Variants in KCNMB2 observed in about 807,000 individuals in gnomAD.
KCNMB2 encodes the protein potassium calcium-activated channel subfamily M regulatory beta subunit 2.
KCNMB2 carries 9 observed loss-of-function variants against 24.5 expected under a neutral mutation model. The ratio of observed to expected loss-of-function variants is 0.37; its 90% CI spans 0.22 to 0.64. The LOEUF is 0.64. KCNMB2 is among the 30% of genes least tolerant of loss of function. The probability of loss-of-function intolerance (pLI) is 0.63; values close to 1 mark genes in which losing one functional copy is unlikely to be tolerated. For synonymous variants in KCNMB2, 109 were observed against 104.4 expected, an observed-to-expected ratio of 1.04 and a Z score of -0.27; for missense variants, 226 against 284.3, an observed-to-expected ratio of 0.79 and a Z score of 1.47.
intron 1 of KCNMB2, among the ~76,000 whole-genome samples, chr3:178,719,127 C>T (rs1015770167): frequency 1.3e-5 from 2 of 152,338 alleles, no homozygotes; most frequent in Admixed American, 6.5e-5. Context: ...CATTTTACAG[C>T]TTAGCCCAGC....
chr3:178,778,455 G>GACACACACACACACACACACACAC (rs71628070), intron 1 of KCNMB2, among the ~76,000 whole-genome samples: 1 of 127,454 alleles, frequency 7.8e-6, no homozygotes, highest in East Asian at 2.4e-4. Flanking sequence ...TACCCTTTAA[G>GACACACACACACACACACACACAC]ACACACACAC....
chr3:178,564,999 A>C (rs1054482300), intron 1 of KCNMB2, among the ~76,000 whole-genome samples: 3 of 152,222 alleles, frequency 2.0e-5, no homozygotes, highest in Admixed American at 2.0e-4. Flanking sequence ...ATATGAAATT[A>C]AATTCATTCG....
chr3:178,579,582 C>T (rs192202991), intron 1 of KCNMB2, among the ~76,000 whole-genome samples: 10 of 152,234 alleles, frequency 6.6e-5, no homozygotes, highest in Non-Finnish European at 1.3e-4. Flanking sequence ...AATCCATGAG[C>T]TGGTTTATTT....
chr3:178,552,250 C>A (rs1715980916), intron 1 of KCNMB2, among the ~76,000 whole-genome samples: 1 of 152,220 alleles, frequency 6.6e-6, no homozygotes, highest in Admixed American at 6.5e-5. Context: ...CAAACTCCCA[C>A]ACTGAGGAGT....
At chr3:178,810,817 C>A (rs960139142) in intron 2 of KCNMB2, among the ~76,000 whole-genome samples, 5 of 152,076 alleles carry the variant, frequency 3.3e-5, no homozygotes, top group African/African-American at 9.7e-5. Context: ...TCACTGCAAC[C>A]TCCGCCTCCC....
chr3:178,638,489 C>T (rs1296268199), intron 1 of KCNMB2, among the ~76,000 whole-genome samples: 4 of 152,168 alleles, frequency 2.6e-5, no homozygotes, highest in African/African-American at 9.7e-5. Flanking sequence ...TTCTCTAAAG[C>T]TTTTCCCCAT....
chr3:178,700,887 T>C (rs1722066968), intron 1 of KCNMB2, among the ~76,000 whole-genome samples: 2 of 152,210 alleles, frequency 1.3e-5, no homozygotes, highest in Non-Finnish European at 1.5e-5. Flanking sequence ...TTGCAAAAAT[T>C]TTCTCCCATT....
At chr3:178,821,077 C>A (rs1022254287) in intron 2 of KCNMB2, among the ~76,000 whole-genome samples, 1 of 152,124 alleles carries the variant, frequency 6.6e-6, no homozygotes, top group Non-Finnish European at 1.5e-5. Flanking sequence ...GTAGTCATAC[C>A]CCAGACTCAT....
chr3:178,670,329 A>G (rs1720858840), intron 1 of KCNMB2, among the ~76,000 whole-genome samples: 1 of 152,104 alleles, frequency 6.6e-6, no homozygotes, highest in African/African-American at 2.4e-5. Flanking sequence ...TATCATTAAC[A>G]CCAGTCACGA....
chr3:178,591,085 C>T (rs1270836426), intron 1 of KCNMB2, among the ~76,000 whole-genome samples: 1 of 152,100 alleles, frequency 6.6e-6, no homozygotes, highest in Non-Finnish European at 1.5e-5. Context: ...GTGTAATCTG[C>T]AACGGAGAGG....
chr3:178,813,486 A>G (rs1326818371), intron 2 of KCNMB2, among the ~76,000 whole-genome samples: 3 of 152,180 alleles, frequency 2.0e-5, no homozygotes, highest in Admixed American at 6.5e-5. Context: ...CTATCAATCA[A>G]CCTTGTAGAA....
chr3:178,546,627 A>G (rs1715783792), intron 1 of KCNMB2, among the ~76,000 whole-genome samples: 1 of 152,164 alleles, frequency 6.6e-6, no homozygotes, highest in Non-Finnish European at 1.5e-5. Context: ...CAGAGTGTCA[A>G]TGTGTCTGGA....
intron 1 of KCNMB2, among the ~76,000 whole-genome samples, chr3:178,583,413 C>T (rs1050966280): frequency 1.3e-5 from 2 of 152,098 alleles, no homozygotes; most frequent in Non-Finnish European, 2.9e-5. Context: ...TGGCAAGTTT[C>T]CGTCTCTTTT....
At chr3:178,564,214 G>T (rs1331132436) in intron 1 of KCNMB2, among the ~76,000 whole-genome samples, 1 of 151,964 alleles carries the variant, frequency 6.6e-6, no homozygotes, top group Non-Finnish European at 1.5e-5. Flanking sequence ...GGAGGCGGAG[G>T]TTGCAGTGAG....
chr3:178,617,714 C>T (rs1183690660), intron 1 of KCNMB2, among the ~76,000 whole-genome samples: 1 of 151,098 alleles, frequency 6.6e-6, no homozygotes, highest in African/African-American at 2.4e-5. Context: ...ACGATGAAAC[C>T]CCGTCTCTAC....
intron 1 of KCNMB2, among the ~76,000 whole-genome samples, chr3:178,713,975 C>T (rs1217506683): frequency 1.3e-5 from 2 of 152,120 alleles, no homozygotes; most frequent in African/African-American, 4.8e-5. Context: ...AAAAATTCTG[C>T]TTGCATATAA....
intron 2 of KCNMB2, among the ~76,000 whole-genome samples, chr3:178,814,853 A>C (rs1168859389): frequency 6.6e-6 from 1 of 151,886 alleles, no homozygotes; most frequent in Non-Finnish European, 1.5e-5. Context: ...TAACTTCCTG[A>C]TAGATTCTGG....
chr3:178,821,349 T>C (rs1326661184), intron 2 of KCNMB2, among the ~76,000 whole-genome samples: 1 of 152,204 alleles, frequency 6.6e-6, no homozygotes, highest in Non-Finnish European at 1.5e-5. Flanking sequence ...GACAACATGG[T>C]GTAGAAGGGG....
chr3:178,581,906 G>A (rs1000515404), intron 1 of KCNMB2, among the ~76,000 whole-genome samples: 5 of 151,944 alleles, frequency 3.3e-5, no homozygotes, highest in African/African-American at 1.2e-4. Flanking sequence ...GGAATACACT[G>A]TTGGTAGGAG....
Sources: gnomAD v4.1 joint callset for allele counts (sites outside exome capture counted in the v4.1 genomes callset) on GRCh38, gnomAD v4.1.1 for gene constraint, MANE v1.5 for transcripts, NCBI Gene and HGNC (gene_info 2026-07-23, HGNC 2026-07-21) for gene names.